The following PKLR variants were observed in gnomAD, a reference collection of about 807,000 sequenced individuals.
PKLR encodes pyruvate kinase L/R.
A neutral mutation model predicts 53.6 loss-of-function variants in PKLR; 38 were observed. That is an observed-to-expected ratio of 0.71 (90% CI 0.55 to 0.93). PKLR has a LOEUF of 0.93. Among genes scored for constraint, PKLR ranks in the 40% least tolerant of loss-of-function variants. The pLI, the probability that PKLR is intolerant of heterozygous loss-of-function variation, is 0.00. For synonymous variants in PKLR, 328 were observed against 316.2 expected (o/e 1.04, Z -0.39); for missense variants, 702 against 787.3 (o/e 0.89, Z 1.30).
At chr1:155,307,675 C>T in the PKLR span, among the ~76,000 whole-genome samples, 11 of 152,306 alleles carry the variant, frequency 7.2e-5, no homozygotes, top group South Asian at 2.1e-3. Context: ...CCTTGTTTAG[C>T]TTATAATCAA....
chr1:155,295,318 G>A lies in PKLR; in HGVS notation c.508-16C>T. On this transcript the variant is annotated splice_polypyrimidine_tract_variant and intron_variant, in intron 4 of 10. Coordinates refer to ENST00000342741, the MANE Select transcript of PKLR (RefSeq NM_000298.6). This position sits in a 1 kb window ranked among gnomAD's most constrained non-coding sequence, Gnocchi z 4.3. Reference sequence around the variant, plus strand: ...ACTCTGGACCCTAAGGAGGGAGCCAGAGGAGATGTGAGTTCTGAGCCCCGG... The same window carrying A: ...ACTCTGGACCCTAAGGAGGGAGCCAAAGGAGATGTGAGTTCTGAGCCCCGG... The A allele has an allele frequency of 6.2e-7, 1 of 1,613,832 alleles. No individual in the cohort carries two copies. Among genetic ancestry groups the A allele is most frequent in the Non-Finnish European group, 8.5e-7 (1 of 1,179,836 alleles).
chr1:155,294,895 G>C lies in PKLR; in HGVS notation c.695-143C>G, dbSNP rs373003808. ...CCGCCCTTGTTCTGGGCTTCGCCCGGAAGAGGCACAGATGGACGTCCGTGG... is the reference window on the plus strand; with the variant it reads ...CCGCCCTTGTTCTGGGCTTCGCCCGCAAGAGGCACAGATGGACGTCCGTGG... On this transcript the variant is annotated intron_variant, in intron 5 of 10. Transcript: ENST00000342741. The C allele has an allele frequency of 5.0e-6, 6 of 1,211,076 alleles. No individual in the cohort carries two copies. The African/African-American group carries it at 9.1e-5, about 18-fold the overall frequency. The allele number at this position is 1,211,076 out of a possible 1,614,324, so 75.0% of individuals were successfully genotyped here. A position where few individuals can be genotyped will look rare whatever the true frequency, so the allele number is the denominator to read the frequency against.
Position 155,291,022 on chromosome 1 carries a change from TAATAATAATAATA to T in PKLR, c.1619-357_1619-345del, listed in dbSNP as rs1674513133. Reference sequence around the variant, plus strand: ...ATAATAATAATAATAATAATAATAATAATAATAATAATAATAATAAAAGAAGAAAAGAAAGAAA... The same window carrying T: ...ATAATAATAATAATAATAATAATAATATAATAAAAGAAGAAAAGAAAGAAA... On this transcript the variant is annotated intron_variant, in intron 10 of 10. Coordinates refer to ENST00000342741, the MANE Select transcript of PKLR (RefSeq NM_000298.6). Among the ~76,000 whole-genome samples the T allele has an allele frequency of 2.9e-5, 4 of 139,882 alleles. No individual in the cohort carries two copies. The South Asian group carries it at 8.7e-4, about 30-fold the overall frequency. The allele number at this position is 139,882 out of a possible 152,430, so 91.8% of individuals were successfully genotyped here.
At position 155,293,492 on chromosome 1, in the gene PKLR, T is replaced by C. The variant is rs1647350859; in HGVS notation, c.1215A>G (p.Ser405=). 1 of 1,614,250 alleles carries C rather than the reference T, an allele frequency of 6.2e-7. No homozygotes were observed. Residue 405 remains serine (S), a synonymous_variant, in exon 8 of 11, where the codon TCA becomes TCG. Coordinates refer to ENST00000342741, the MANE Select transcript of PKLR (RefSeq NM_000298.6). This position sits in a 1 kb window ranked among gnomAD's most constrained non-coding sequence, Gnocchi z 4.2. ...VLDGADCIML[S]GETAKGNFPV... ...GGAAGTTGCCCTTGGCAGTCTCCCC[T>C]GACAGCATGATGCAGTCAGCCCCAT...
intron 1 of PKLR, chr1:155,300,924 G>A (rs1291879397): frequency 6.2e-7 from 1 of 1,603,636 alleles, no homozygotes; most frequent in Non-Finnish European, 8.5e-7. Flanking sequence ...CTCTCTGTGG[G>A]TCTGCTCCAC....
chr1:155,291,060 A>T (rs1345441069), intron 10 of PKLR, among the ~76,000 whole-genome samples: 1 of 150,806 alleles, frequency 6.6e-6, no homozygotes, highest in Non-Finnish European at 1.5e-5. Context: ...AAAGAAAGAA[A>T]ATTAGTCATT....
Position 155,291,943 on chromosome 1 carries a change from G to A in PKLR, c.1437-6C>T, listed in dbSNP as rs762612108. 7.4e-6 allele frequency: 12 copies of A among 1,612,588 alleles called. No homozygotes were observed. The Admixed American group carries it at 1.8e-4, about 25-fold the overall frequency. ...GAGACAGAAGCTGGGCTGAGCTGGA[G>A]GAGGCAGAGAAGGTCAGCCCAGAAC... On this transcript the variant is annotated splice_polypyrimidine_tract_variant and splice_region_variant and intron_variant, in intron 9 of 10. Transcript: ENST00000342741.
Position 155,300,248 on chromosome 1 carries a change from C to G in PKLR, c.133G>C (p.Ala45Pro). The G allele has an allele frequency of 6.2e-7, 1 of 1,602,652 alleles. No individual in the cohort carries two copies. Among genetic ancestry groups the G allele is most frequent in the Non-Finnish European group, 8.5e-7 (1 of 1,175,362 alleles). ...PAGYLRRASV[A>P]QLTQELGTAF... ...GTGCCCAGCTCCTGGGTCAGTTGGGCCACACTGGCCCGCCGCAGATACCCC... is the reference window on the plus strand; with the variant it reads ...GTGCCCAGCTCCTGGGTCAGTTGGGGCACACTGGCCCGCCGCAGATACCCC... The change falls in exon 2 of 11, where the codon GCC becomes CCC. Residue 45 changes from alanine to proline, a missense_variant. Coordinates refer to ENST00000342741, the MANE Select transcript of PKLR (RefSeq NM_000298.6).
chr1:155,300,840 G>A (rs765046984), intron 1 of PKLR: 20 of 1,607,444 alleles, frequency 1.2e-5, no homozygotes, highest in Non-Finnish European at 1.7e-5. Context: ...CCTGTAGCTT[G>A]ACCCATCCCA....
At chr1:155,304,361 G>A (rs1648172419), upstream of PKLR, among the ~76,000 whole-genome samples, 1 of 151,142 alleles carries the variant, frequency 6.6e-6, no homozygotes, top group African/African-American at 2.4e-5. Context: ...TTGAATCCGG[G>A]AGGCAGAGGT....
chr1:155,293,121 T>TA lies in PKLR; in HGVS notation c.1436+55_1436+56insT. On this transcript the variant is annotated intron_variant, in intron 9 of 10. Transcript: ENST00000342741. The surrounding 1 kb of genome is among the most constrained non-coding windows in gnomAD (Gnocchi z 4.2). Reference sequence around the variant, plus strand: ...AGACTAAACCCAAGCCTGGGGCCCGTCCCAGCCCACCCCTGACCCAAAGCT... The same window carrying TA: ...AGACTAAACCCAAGCCTGGGGCCCGTACCCAGCCCACCCCTGACCCAAAGCT... 6.5e-7 allele frequency: 1 copy of TA among 1,542,324 alleles called. No homozygotes were observed. Among genetic ancestry groups the TA allele is most frequent in the Non-Finnish European group, 9.0e-7 (1 of 1,115,280 alleles).
rs1674478626 is a variant in PKLR at position 155,290,391 on chromosome 1, G to A, written c.*181C>T. 3.6e-5 allele frequency: 22 copies of A among 608,620 alleles called. No homozygotes were observed. The South Asian group carries it at 4.2e-4, about 12-fold the overall frequency. 37.7% of individuals were successfully genotyped at this position (608,620 alleles called of 1,614,324 possible). On this transcript the variant is annotated 3_prime_UTR_variant, in exon 11 of 11. Coordinates refer to ENST00000342741, the MANE Select transcript of PKLR (RefSeq NM_000298.6). ...TGTGTGAAATGGAGATGGGGAAGGG[G>A]CAACCTCGAAGGGGCTAGATGACAG... is the stretch of plus-strand genomic sequence containing the variant.
intron 7 of PKLR, 63 bp downstream of exon 7, chr1:155,294,172 G>A: frequency 6.5e-7 from 1 of 1,537,418 alleles, no homozygotes; most frequent in Non-Finnish European, 9.0e-7. Flanking sequence ...TACAGTGTGG[G>A]TATTCACCCA....
At chr1:155,298,953 C>CCTTTCTTT (rs530027982) in intron 2 of PKLR, among the ~76,000 whole-genome samples, 1,116 of 103,912 alleles carry the variant, frequency 0.011, 83 homozygotes, top group Admixed American at 0.016. Context: ...AACTTTCACT[C>CCTTTCTTT]CTTTCTTTCT....
At chr1:155,302,684 T>C (rs1648090374), upstream of PKLR, among the ~76,000 whole-genome samples, 1 of 142,186 alleles carries the variant, frequency 7.0e-6, no homozygotes, top group Non-Finnish European at 1.6e-5. Context: ...GTTTTCTTTC[T>C]TTTTTTTTTA....
chr1:155,295,026 T>G lies in PKLR; in HGVS notation c.694+90A>C, dbSNP rs1647478392. 1.0e-5 allele frequency: 14 copies of G among 1,402,848 alleles called. No individual in the cohort carries two copies. In the Middle Eastern group the frequency reaches 7.3e-4, roughly 73 times the overall value. The allele number at this position is 1,402,848 out of a possible 1,614,324, so 86.9% of individuals were successfully genotyped here. A position where few individuals can be genotyped will look rare whatever the true frequency, so the allele number is the denominator to read the frequency against. ...GCAAAAACGCGTGGCCAGGGGAAGG[T>G]GTGATCGGTCTGAGGGCTGATGGGG... On this transcript the variant is annotated intron_variant, in intron 5 of 10. Transcript: ENST00000342741. This position sits in a 1 kb window ranked among gnomAD's most constrained non-coding sequence, Gnocchi z 4.3.
intron 2 of PKLR, among the ~76,000 whole-genome samples, chr1:155,296,818 C>G (rs115736167): frequency 0.013 from 1,956 of 152,190 alleles, 16 homozygotes; most frequent in Non-Finnish European, 0.02. Context: ...CTCTAGTTCC[C>G]CTCCCCCATT....
chr1:155,305,024 A>C (rs749399777), upstream of PKLR, among the ~76,000 whole-genome samples: 2 of 152,106 alleles, frequency 1.3e-5, no homozygotes, highest in African/African-American at 4.8e-5. Context: ...AGTGGCACCC[A>C]TAGGAGATGA....
In PKLR at chr1:155,294,615, G is replaced by A. The variant is rs1350652440; in HGVS notation, c.832C>T (p.His278Tyr). Reference sequence around the variant, plus strand: ...GAGGCAAAGACGATGTCCACCCCATGCTCCACCCCGAAGCGCAGGTCTCGG... The same window carrying A: ...GAGGCAAAGACGATGTCCACCCCATACTCCACCCCGAAGCGCAGGTCTCGG... ...DVRDLRFGVE[H>Y]GVDIVFASFV... The change falls in exon 6 of 11, where the codon CAT becomes TAT. Residue 278 changes from histidine to tyrosine, a missense_variant. Physicochemically the swap from His to Tyr is moderately conservative, Grantham distance 83. Transcript: ENST00000342741. The A allele has an allele frequency of 6.2e-7, 1 of 1,614,230 alleles. No homozygotes were observed. Among genetic ancestry groups the A allele is most frequent in the Non-Finnish European group, 8.5e-7 (1 of 1,180,054 alleles).
Sources: gnomAD v4.1 joint callset for allele counts (sites outside exome capture counted in the v4.1 genomes callset) on GRCh38, gnomAD v4.1.1 for gene constraint, Gnocchi (gnomAD v3.1) non-coding constraint, MANE v1.5 for transcripts, NCBI Gene and HGNC (gene_info 2026-07-23, HGNC 2026-07-21) for gene names.